Variants in CYP2J2 observed in about 807,000 individuals in gnomAD.
CYP2J2 encodes the protein cytochrome P450 2J2.
CYP2J2 carries 41 observed loss-of-function variants against 48.8 expected under a neutral mutation model. That is an observed-to-expected ratio of 0.84 (90% CI 0.66 to 1.09). The LOEUF is 1.09. Ranked by LOEUF, CYP2J2 falls within the 50% of genes least tolerant of loss-of-function variation. The pLI, the probability that CYP2J2 is intolerant of heterozygous loss-of-function variation, is 0.00. For missense variants in CYP2J2, 644 were observed against 617.3 expected, an observed-to-expected ratio of 1.04 and a Z score of -0.46; for synonymous variants, 221 against 227.1, an observed-to-expected ratio of 0.97 and a Z score of 0.24.
chr1:59,899,343 G>T (rs535453210), intron 8 of CYP2J2, among the ~76,000 whole-genome samples: 1 of 152,312 alleles, frequency 6.6e-6, no homozygotes, highest in Non-Finnish European at 1.5e-5. Flanking sequence ...GTGAGCGGAG[G>T]TGACAGAATT....
chr1:59,920,346 A>T (rs1328183309), intron 1 of CYP2J2, among the ~76,000 whole-genome samples: 2 of 151,870 alleles, frequency 1.3e-5, no homozygotes, highest in African/African-American at 2.4e-5. Context: ...CATAGGGTTC[A>T]TTATTTAAAG....
Position 59,912,168 on chromosome 1 carries a change from C to T in CYP2J2, c.517G>A (p.Glu173Lys), listed in dbSNP as rs200244069. The T allele has an allele frequency of 1.2e-6, 2 of 1,612,746 alleles. No individual in the cohort carries two copies. Among genetic ancestry groups the T allele is most frequent in the Non-Finnish European group, 1.7e-6 (2 of 1,179,446 alleles). The change falls in exon 3 of 9, where the codon GAG becomes AAG. Residue 173 changes from glutamate to lysine, a missense_variant. Physicochemically the swap from Glu to Lys is moderately conservative, Grantham distance 56. Coordinates refer to ENST00000371204, the MANE Select transcript of CYP2J2 (RefSeq NM_000775.4). ...AQHLTEAIKE[E>K]NGQPFDPHFK... ...TGTCATATGCAATGCTCACCGTTCT[C>T]CTCTTTTATTGCTTCAGTGAGGTGT...
At chr1:59,916,835 T>C (rs192694889) in intron 1 of CYP2J2, among the ~76,000 whole-genome samples, 1 of 152,198 alleles carries the variant, frequency 6.6e-6, no homozygotes, top group African/African-American at 2.4e-5. Context: ...ACACTAATCA[T>C]GTCTCAGCCA....
At chr1:59,944,764 CATT>C in the CYP2J2 span, among the ~76,000 whole-genome samples, 1 of 151,874 alleles carries the variant, frequency 6.6e-6, no homozygotes, top group South Asian at 2.1e-4. Context: ...TTTTTAATTA[CATT>C]ATTTTAAAGG....
At chr1:59,930,989 T>C (rs1029517860), upstream of CYP2J2, among the ~76,000 whole-genome samples, 1 of 152,158 alleles carries the variant, frequency 6.6e-6, no homozygotes, top group Admixed American at 6.5e-5. Flanking sequence ...ATATGTCTGG[T>C]TTCCAGTCCA....
intron 1 of CYP2J2, 79 bp from the exon 2 acceptor site, chr1:59,916,179 G>A: frequency 7.9e-7 from 1 of 1,270,594 alleles, no homozygotes; most frequent in South Asian, 1.4e-5. Flanking sequence ...GTAGCTGGAG[G>A]GGATCATATT....
intron 8 of CYP2J2, among the ~76,000 whole-genome samples, chr1:59,899,034 T>C (rs1574245690): frequency 6.6e-6 from 1 of 152,314 alleles, no homozygotes; most frequent in East Asian, 1.9e-4. Flanking sequence ...AGGCATCACT[T>C]AGCCCAGAGG....
the CYP2J2 span, among the ~76,000 whole-genome samples, chr1:59,947,977 G>A: frequency 2.0e-5 from 3 of 152,206 alleles, no homozygotes; most frequent in East Asian, 3.9e-4. Context: ...AGAATGCAAT[G>A]GTTCTTTCGG....
At chr1:59,949,179 C>G in the CYP2J2 span, among the ~76,000 whole-genome samples, 1 of 152,172 alleles carries the variant, frequency 6.6e-6, no homozygotes, top group African/African-American at 2.4e-5. Flanking sequence ...GATCTCAGAC[C>G]TATTGCACAA....
chr1:59,932,756 A>T, the CYP2J2 span, among the ~76,000 whole-genome samples: 2 of 150,338 alleles, frequency 1.3e-5, no homozygotes, highest in Non-Finnish European at 3.0e-5. Context: ...GCTGGAGTGC[A>T]GTGGTGCAAT....
In CYP2J2 at chr1:59,926,668, C is replaced by T; in HGVS notation, c.79G>A (p.Ala27Thr). The change falls in exon 1 of 9, where the codon GCC (alanine) becomes ACC (threonine). Residue 27 changes from alanine to threonine, a missense_variant. Coordinates refer to ENST00000371204, the MANE Select transcript of CYP2J2 (RefSeq NM_000775.4). Reference protein sequence around the residue: ...HPRTLLLGTVAFLLAADFLKR... With the variant: ...HPRTLLLGTVTFLLAADFLKR... ...AGAAAGTCAGCAGCGAGCAGAAAGG[C>T]GACAGTGCCCAGTAGGAGAGTCCGA... 6.2e-7 allele frequency: 1 copy of T among 1,614,224 alleles called. No individual in the cohort carries two copies. Among genetic ancestry groups the T allele is most frequent in the Non-Finnish European group, 8.5e-7 (1 of 1,180,034 alleles).
chr1:59,903,766 T>C (rs1404761740), intron 7 of CYP2J2, among the ~76,000 whole-genome samples: 1 of 152,186 alleles, frequency 6.6e-6, no homozygotes, highest in African/African-American at 2.4e-5. Context: ...TTAAAATCAA[T>C]GTAAAGCAAG....
intron 8 of CYP2J2, among the ~76,000 whole-genome samples, chr1:59,899,460 G>A (rs1225931315): frequency 6.6e-6 from 1 of 152,148 alleles, no homozygotes; most frequent in African/African-American, 2.4e-5. Flanking sequence ...CACCAACATG[G>A]GTCATTCCGT....
the CYP2J2 span, among the ~76,000 whole-genome samples, chr1:59,955,011 A>C: frequency 6.6e-6 from 1 of 151,474 alleles, no homozygotes. Flanking sequence ...GGTGACATGC[A>C]CCTGTAGTCC....
chr1:59,909,777 T>C lies in CYP2J2; in HGVS notation c.861+7A>G. 6.4e-7 allele frequency: 1 copy of C among 1,570,246 alleles called. No individual in the cohort carries two copies. Among genetic ancestry groups the C allele is most frequent in the Non-Finnish European group, 8.6e-7 (1 of 1,164,300 alleles). The stretch of plus-strand genomic sequence containing the variant: ...AACAAAATACAAAATGACTTTGGTT[T>C]TCTCACCTTTGACATTTCTTTAAGG... On this transcript the variant is annotated splice_region_variant and intron_variant, in intron 5 of 8. Transcript: ENST00000371204.
the CYP2J2 span, among the ~76,000 whole-genome samples, chr1:59,947,210 A>G: frequency 6.6e-6 from 1 of 152,130 alleles, no homozygotes; most frequent in Non-Finnish European, 1.5e-5. Flanking sequence ...AATGTGCTAC[A>G]TTTTGTAAAG....
Position 59,915,969 on chromosome 1 carries a change from G to A in CYP2J2, c.342C>T (p.Thr114=), listed in dbSNP as rs1248090482. Residue 114 remains threonine (T), a synonymous_variant, in exon 2 of 9, where the codon ACC becomes ACT. Coordinates refer to ENST00000371204, the MANE Select transcript of CYP2J2 (RefSeq NM_000775.4). ...MDQNFGNRPV[T]PMREHIFKKN... ...TCTTAAAGATATGTTCTCGCATAGG[G>A]GTCACGGGGCGGTTCCCAAAGTTTT... is the stretch of plus-strand genomic sequence containing the variant. 1.2e-6 allele frequency: 2 copies of A among 1,613,872 alleles called. No homozygotes were observed. The highest frequency in any genetic ancestry group is 1.7e-6 in the Non-Finnish European group (2 of 1,179,874).
In CYP2J2 at chr1:59,911,644, A is replaced by C; in HGVS notation, c.648T>G (p.Asp216Glu). The change falls in exon 4 of 9, where the codon GAT becomes GAG. Residue 216 changes from aspartate (D) to glutamate (E), a missense_variant. Transcript: ENST00000371204. Reference protein sequence around the residue: ...SWFQQLLKLLDEVTYLEASKT... With the variant: ...SWFQQLLKLLEEVTYLEASKT... Reference sequence around the variant, plus strand: ...TTGAAGCCTCCAAGTATGTGACTTCATCTAGTAACTTCAGCAGCTGCTGAA... The same window carrying C: ...TTGAAGCCTCCAAGTATGTGACTTCCTCTAGTAACTTCAGCAGCTGCTGAA... The C allele has an allele frequency of 6.2e-7, 1 of 1,613,220 alleles. No individual in the cohort carries two copies. The highest frequency in any genetic ancestry group is 1.7e-5 in the Admixed American group (1 of 59,970).
chr1:59,963,578 A>G, the CYP2J2 span, among the ~76,000 whole-genome samples: 1 of 152,182 alleles, frequency 6.6e-6, no homozygotes, highest in Admixed American at 6.5e-5. Flanking sequence ...GTGTTGGTCC[A>G]TTTATCTATT....
Sources: allele counts gnomAD v4.1 joint callset (sites outside exome capture counted in the v4.1 genomes callset), GRCh38; gene constraint gnomAD v4.1.1; transcripts MANE v1.5; gene names NCBI Gene and HGNC (gene_info 2026-07-23, HGNC 2026-07-21).